Variants in TMEM217 observed in about 807,000 individuals in gnomAD.
TMEM217 encodes transmembrane protein 217.
For synonymous variants in TMEM217, 76 were observed against 88.3 expected, an observed-to-expected ratio of 0.86 and a Z score of 0.78; for missense variants, 204 against 248.8, an observed-to-expected ratio of 0.82 and a Z score of 1.21.
chr6:37,223,282 G>A (rs1285034655), intron 1 of TMEM217, among the ~76,000 whole-genome samples: 12 of 151,524 alleles, frequency 7.9e-5, no homozygotes, highest in Non-Finnish European at 1.2e-4. Context: ...ATTGCTAGAA[G>A]GATAAATGAA....
rs577879415 is a variant in TMEM217 at position 37,255,700 on chromosome 6, G to T, written c.-12+1868C>A. Among the ~76,000 whole-genome samples the T allele has an allele frequency of 1.2e-4, 18 of 150,882 alleles. No individual in the cohort carries two copies. The South Asian group carries it at 3.8e-3, about 32-fold the overall frequency. On this transcript the variant is annotated intron_variant, in intron 1 of 1. Transcript: ENST00000357219. The stretch of plus-strand genomic sequence containing the variant: ...CCTGGTCTCAAAAAAAAAAAAAAAG[G>T]TCTCTCTGGTTGGTATATGGGGAAT...
downstream of TMEM217, among the ~76,000 whole-genome samples, chr6:37,215,589 A>G (rs1167905367): frequency 6.6e-6 from 1 of 150,478 alleles, no homozygotes; most frequent in African/African-American, 2.4e-5. Flanking sequence ...AAAAAAAAAA[A>G]AAAAAAAAAA....
rs778245935 is a variant in TMEM217 at position 37,218,537 on chromosome 6, T to C, written c.494A>G (p.Tyr165Cys). Reference sequence around the variant, plus strand: ...CTCCGCTGTAGAAATTCGTCTCTTGTAGGAAATTATATTGCCCTGGCTCCG... The same window carrying C: ...CTCCGCTGTAGAAATTCGTCTCTTGCAGGAAATTATATTGCCCTGGCTCCG... Residue 165 changes from tyrosine (Y) to cysteine (C), a missense_variant, in exon 2 of 2, where the codon TAC (tyrosine) becomes TGC (cysteine). Physicochemically the swap from Tyr to Cys is radical, Grantham distance 194 (BLOSUM62 -2). Coordinates refer to ENST00000357219, the Ensembl canonical transcript of TMEM217. The C allele has an allele frequency of 5.6e-6, 9 of 1,614,026 alleles. No homozygotes were observed. The East Asian group carries it at 1.3e-4, about 24-fold the overall frequency.
intron 1 of TMEM217, among the ~76,000 whole-genome samples, chr6:37,253,999 G>T (rs753064422): frequency 6.6e-6 from 1 of 152,136 alleles, no homozygotes; most frequent in Non-Finnish European, 1.5e-5. Flanking sequence ...TGAAGTTGAG[G>T]GGGGGAAAGT....
intron 1 of TMEM217, among the ~76,000 whole-genome samples, chr6:37,246,619 C>T: frequency 6.6e-6 from 1 of 152,070 alleles, no homozygotes; most frequent in East Asian, 1.9e-4. Context: ...AGACATTTCT[C>T]AGGCTGGGCA....
At chr6:37,224,455 G>A (rs958001889) in intron 1 of TMEM217, among the ~76,000 whole-genome samples, 6 of 151,190 alleles carry the variant, frequency 4.0e-5, no homozygotes, top group Non-Finnish European at 8.8e-5. Context: ...AAAATTAGCC[G>A]GGCGTGGTGG....
At chr6:37,218,895 T>C in exon 2 of TMEM217, 1 of 1,614,172 alleles carries the variant, frequency 6.2e-7, no homozygotes, top group South Asian at 1.1e-5. Context: ...TACTTTGGTG[T>C]GATCTCAGTG....
At chr6:37,257,903 C>A in exon 1 of TMEM217, 2 of 1,612,732 alleles carry the variant, frequency 1.2e-6, no homozygotes, top group East Asian at 2.2e-5. Context: ...ACAAGGACTT[C>A]CCCCGGCCAG....
intron 1 of TMEM217, among the ~76,000 whole-genome samples, chr6:37,233,311 T>A (rs1420701670): frequency 3.9e-5 from 6 of 152,244 alleles, no homozygotes; most frequent in African/African-American, 7.2e-5. Flanking sequence ...GAATCATTAT[T>A]TTTCTGATCC....
chr6:37,226,237 CTTTT>C (rs1378420825), intron 1 of TMEM217, among the ~76,000 whole-genome samples: 3 of 134,138 alleles, frequency 2.2e-5, no homozygotes, highest in Non-Finnish European at 4.9e-5. Flanking sequence ...TCACCATTCT[CTTTT>C]TTTGTTTTGT....
intron 1 of TMEM217, among the ~76,000 whole-genome samples, chr6:37,252,631 ATATATATTTT>A (rs1562027853): frequency 2.2e-4 from 17 of 77,308 alleles, no homozygotes; most frequent in African/African-American, 1.0e-3. Flanking sequence ...ATATATATAT[ATATATATTTT>A]TTTTTTTTTT....
chr6:37,218,980 C>A, exon 2 of TMEM217: 1 of 1,614,192 alleles, frequency 6.2e-7, no homozygotes, highest in Non-Finnish European at 8.5e-7. Context: ...AGACCCCTGA[C>A]AACACGGTGC....
rs113866431 is a variant in TMEM217 at position 37,241,671 on chromosome 6, T to C, written c.-12+15897A>G. Among the ~76,000 whole-genome samples the C allele has an allele frequency of 4.9e-3, 740 of 152,326 alleles. 9 individuals are homozygous for C. The highest frequency in any genetic ancestry group is 0.017 in the African/African-American group (690 of 41,564). The stretch of plus-strand genomic sequence containing the variant: ...GAGGGATCCCCAGTGATAAGAGAGA[T>C]TGAATTTTTTTCTAGTCTGGCAATA... On this transcript the variant is annotated intron_variant, in intron 1 of 1. Coordinates refer to ENST00000357219, the Ensembl canonical transcript of TMEM217.
At chr6:37,233,535 A>T (rs1398098825) in intron 1 of TMEM217, among the ~76,000 whole-genome samples, 1 of 152,204 alleles carries the variant, frequency 6.6e-6, no homozygotes, top group Non-Finnish European at 1.5e-5. Flanking sequence ...CTCTTTTACG[A>T]GGGCATTAAT....
At chr6:37,215,299 AC>A (rs770059335), downstream of TMEM217, 6 of 1,608,828 alleles carry the variant, frequency 3.7e-6, no homozygotes, top group South Asian at 1.1e-5. Context: ...AAATAAAAAA[AC>A]AAATGAATAA....
rs769367123 is a variant in TMEM217, at chr6:37,219,051, C to A, written c.-11-10G>T. 6.8e-5 allele frequency: 109 copies of A among 1,602,516 alleles called. No homozygotes were observed. Among genetic ancestry groups the A allele is most frequent in the Non-Finnish European group, 8.9e-5 (104 of 1,172,276 alleles). On this transcript the variant is annotated splice_polypyrimidine_tract_variant and intron_variant, in intron 1 of 1. Coordinates refer to ENST00000357219, the Ensembl canonical transcript of TMEM217. ...TTCATGCTGAGACCTCCTGTGAAGA[C>A]AAACAACATGAGGGAGAATTCTAGT...
At chr6:37,226,279 GTCTTTTTTTTT>G (rs1763823405) in intron 1 of TMEM217, among the ~76,000 whole-genome samples, 1 of 121,258 alleles carries the variant, frequency 8.2e-6, no homozygotes, top group African/African-American at 3.1e-5. Flanking sequence ...TTTTGAGACA[GTCTTTTTTTTT>G]TTTTTTTTTT....
chr6:37,246,665 G>A (rs1288960684), intron 1 of TMEM217, among the ~76,000 whole-genome samples: 1 of 152,184 alleles, frequency 6.6e-6, no homozygotes, highest in African/African-American at 2.4e-5. Context: ...CACTTTGGGA[G>A]GCTGAGGCGG....
intron 1 of TMEM217, 90 bp from the exon 2 acceptor site, chr6:37,219,131 T>C: frequency 8.5e-7 from 1 of 1,172,516 alleles, no homozygotes; most frequent in Non-Finnish European, 1.2e-6. Flanking sequence ...AAATCTACTT[T>C]GGAGAAATAT....
Sources: allele counts gnomAD v4.1 joint callset (sites outside exome capture counted in the v4.1 genomes callset), GRCh38; gene constraint gnomAD v4.1.1; transcripts MANE v1.5; gene names NCBI Gene and HGNC (gene_info 2026-07-23, HGNC 2026-07-21).